The following ASAP2 variants were observed in gnomAD, a reference collection of about 807,000 sequenced individuals.
ASAP2 encodes ArfGAP with SH3 domain, ankyrin repeat and PH domain 2.
ASAP2 carries 45 observed loss-of-function variants against 131.4 expected under a neutral mutation model. The ratio of observed to expected loss-of-function variants is 0.34; its 90% confidence interval spans 0.27 to 0.44. ASAP2 has a LOEUF of 0.44. Among genes scored for constraint, ASAP2 ranks in the 20% least tolerant of loss-of-function variants. The pLI, the probability that ASAP2 is intolerant of heterozygous loss-of-function variation, is 1.00. For synonymous variants in ASAP2, 510 were observed against 503.0 expected (o/e 1.01, Z -0.19); for missense variants, 1,011 against 1,297.0 (o/e 0.78, Z 3.39).
At chr2:9,240,488 C>G (rs995616990) in intron 1 of ASAP2, among the ~76,000 whole-genome samples, 5 of 152,064 alleles carry the variant, frequency 3.3e-5, no homozygotes, top group Admixed American at 3.3e-4. Context: ...TGGAGCGATT[C>G]ACCTGCCTTG....
chr2:9,351,407 A>T (rs1672322413), intron 12 of ASAP2, among the ~76,000 whole-genome samples: 1 of 152,222 alleles, frequency 6.6e-6, no homozygotes, highest in Admixed American at 6.5e-5. Context: ...GCGTTCACAA[A>T]AGAATCCCCA....
chr2:9,341,713 C>T (rs1407851141), intron 9 of ASAP2, among the ~76,000 whole-genome samples: 1 of 152,140 alleles, frequency 6.6e-6, no homozygotes, highest in Non-Finnish European at 1.5e-5. Context: ...AGTATTTCTC[C>T]ACATTCCTTC....
intron 26 of ASAP2, 25 bp from the exon 27 acceptor site, chr2:9,401,249 A>T: frequency 6.2e-7 from 1 of 1,612,606 alleles, no homozygotes; most frequent in Non-Finnish European, 8.5e-7. Context: ...AGCCACACTA[A>T]CCGTTGTTCC....
intron 1 of ASAP2, among the ~76,000 whole-genome samples, chr2:9,259,826 G>A (rs998608008): frequency 2.6e-5 from 4 of 152,250 alleles, no homozygotes; most frequent in Non-Finnish European, 4.4e-5. Context: ...GATGGAGGCC[G>A]ATGCTAAATG....
chr2:9,226,633 A>G (rs1346452933), intron 1 of ASAP2, among the ~76,000 whole-genome samples: 1 of 152,178 alleles, frequency 6.6e-6, no homozygotes, highest in Non-Finnish European at 1.5e-5. Flanking sequence ...AGGTCCTTTC[A>G]GGCTGCCGTG....
intron 15 of ASAP2, among the ~76,000 whole-genome samples, chr2:9,362,035 C>T (rs1673127188): frequency 6.8e-6 from 1 of 147,818 alleles, no homozygotes; most frequent in African/African-American, 2.5e-5. Context: ...GTCTGACACA[C>T]CGTTAAGAAC....
intron 16 of ASAP2, 127 bp from the exon 17 acceptor site, chr2:9,374,628 G>A: frequency 4.4e-6 from 4 of 900,320 alleles, no homozygotes; most frequent in Non-Finnish European, 6.6e-6. Context: ...CCCGCTTTGT[G>A]TTTCGGGGCC....
In ASAP2 at chr2:9,264,199, AAT is replaced by A. The variant is rs1168900889; in HGVS notation, c.127-15116_127-15115del. Among the ~76,000 whole-genome samples the A allele has an allele frequency of 2.4e-3, 183 of 75,012 alleles. 4 individuals are homozygous for A. Among genetic ancestry groups the A allele is most frequent in the African/African-American group, 3.4e-3 (55 of 16,090 alleles). The allele number at this position is 75,012 out of a possible 152,430, so 49.2% of individuals were successfully genotyped here. Reference sequence around the variant, plus strand: ...GAGTGAGACCCTGTCTCAAAAAAATAATAATAATAATAATAATAATAATAAAC... The same window carrying A: ...GAGTGAGACCCTGTCTCAAAAAAATAAATAATAATAATAATAATAATAAAC... On this transcript the variant is annotated intron_variant, in intron 1 of 27. Coordinates refer to ENST00000281419, the MANE Select transcript of ASAP2 (RefSeq NM_003887.3).
rs559905368 is a variant in ASAP2 at position 9,234,004 on chromosome 2, G to A, written c.126+26774G>A. Among the ~76,000 whole-genome samples the A allele has an allele frequency of 1.1e-4, 16 of 151,866 alleles. No individual in the cohort carries two copies. In the South Asian group the frequency reaches 1.7e-3, roughly 16 times the overall value. ...CAGGCACCTGTAATCCCAGCTACTCGGGAGGCTGAGGCATGAGAATTGCTT... is the reference window on the plus strand; with the variant it reads ...CAGGCACCTGTAATCCCAGCTACTCAGGAGGCTGAGGCATGAGAATTGCTT... On this transcript the variant is annotated intron_variant, in intron 1 of 27. Coordinates refer to ENST00000281419, the MANE Select transcript of ASAP2 (RefSeq NM_003887.3).
At chr2:9,356,973 G>A (rs930402862) in intron 14 of ASAP2, among the ~76,000 whole-genome samples, 2 of 152,040 alleles carry the variant, frequency 1.3e-5, no homozygotes, top group African/African-American at 4.8e-5. Flanking sequence ...AGTGGGGGTC[G>A]GGGACTACAC....
intron 2 of ASAP2, among the ~76,000 whole-genome samples, chr2:9,292,107 C>T (rs1667853471): frequency 6.6e-6 from 1 of 152,092 alleles, no homozygotes; most frequent in Non-Finnish European, 1.5e-5. Context: ...CATGTTTAGA[C>T]TAGGTCATCT....
chr2:9,388,467 T>G lies in ASAP2; in HGVS notation c.2304T>G (p.Ser768Arg). Residue 768 changes from serine (S) to arginine (R), a missense_variant, in exon 22 of 28, where the codon AGT (serine) becomes AGG (arginine). By Grantham distance (110) the Ser-to-Arg change is moderately radical. Coordinates refer to ENST00000281419, the MANE Select transcript of ASAP2 (RefSeq NM_003887.3). ...LQNETYGALL[S>R]GSPPPAQPAA... ...ATGAGACTTACGGAGCCCTCCTGAG[T>G]GGCAGCCCACCTCCCGCCCAGCCTG... 1 of 1,614,084 alleles carries G rather than the reference T, an allele frequency of 6.2e-7. No individual in the cohort carries two copies. Among genetic ancestry groups the G allele is most frequent in the Non-Finnish European group, 8.5e-7 (1 of 1,179,996 alleles).
At position 9,344,602 on chromosome 2, in the gene ASAP2, A is replaced by G. The variant is rs1671830071; in HGVS notation, c.920A>G (p.Glu307Gly). Residue 307 changes from glutamate to glycine, a missense_variant, in exon 10 of 28, where the codon GAG (glutamate) becomes GGG (glycine). Glu to Gly is a moderately conservative substitution (Grantham distance 98). Transcript: ENST00000281419. ...CAGGGAAACAAGGAACATGGGACCG[A>G]GCGGAACGGCAGCCTCTACAAGAAG... ...QPQGNKEHGT[E>G]RNGSLYKKSD... The G allele has an allele frequency of 6.2e-7, 1 of 1,614,092 alleles. No homozygotes were observed.
At chr2:9,379,129 G>T in intron 19 of ASAP2, 70 bp downstream of exon 19, 1 of 1,169,482 alleles carries the variant, frequency 8.6e-7, no homozygotes, top group East Asian at 3.0e-5. Context: ...TGCCATCCAA[G>T]CGCTGCTCTT....
intron 11 of ASAP2, among the ~76,000 whole-genome samples, chr2:9,345,800 A>G (rs1671927585): frequency 6.6e-6 from 1 of 152,108 alleles, no homozygotes; most frequent in Non-Finnish European, 1.5e-5. Flanking sequence ...TAGAAATGTC[A>G]TCACTCAACA....
chr2:9,320,984 A>T (rs1670114859), intron 5 of ASAP2, among the ~76,000 whole-genome samples: 1 of 152,172 alleles, frequency 6.6e-6, no homozygotes, highest in Non-Finnish European at 1.5e-5. Context: ...CCTAGAGTAG[A>T]GAGAGTCGAG....
At chr2:9,391,250 G>GC in intron 23 of ASAP2, 54 bp downstream of exon 23, 1 of 1,566,516 alleles carries the variant, frequency 6.4e-7, no homozygotes, top group South Asian at 1.2e-5. Flanking sequence ...GATCTGGATG[G>GC]CGGGGGGTGC....
In ASAP2 at chr2:9,292,391, G is replaced by A. The variant is rs562284373; in HGVS notation, c.200-4909G>A. Among the ~76,000 whole-genome samples, 90 of 152,194 alleles carry A rather than the reference G, an allele frequency of 5.9e-4. 1 individual carries two copies. The highest frequency in any genetic ancestry group is 3.4e-3 in the Middle Eastern group (1 of 294). On this transcript the variant is annotated intron_variant, in intron 2 of 27. Transcript: ENST00000281419. Reference sequence around the variant, plus strand: ...AAATTAGCCAGAAGTGGTGGTGTGCGCCTGTAGTCTCAGCTACTCGGGAGG... The same window carrying A: ...AAATTAGCCAGAAGTGGTGGTGTGCACCTGTAGTCTCAGCTACTCGGGAGG...
Position 9,311,646 on chromosome 2 carries a change from A to C in ASAP2, c.346-6878A>C, listed in dbSNP as rs972261856. On this transcript the variant is annotated intron_variant, in intron 3 of 27. Transcript: ENST00000281419. The surrounding 1 kb of genome is among the most constrained non-coding windows in gnomAD (Gnocchi z 5.2). ...AGCTGCCTGAGCACAAGGGATATGT[A>C]ATCATCTTCTGGCTGTGGTTTCCGT... Among the ~76,000 whole-genome samples, 2 of 152,324 alleles carry C rather than the reference A, an allele frequency of 1.3e-5. No homozygotes were observed. Among genetic ancestry groups the C allele is most frequent in the East Asian group, 1.9e-4 (1 of 5,182 alleles).
Sources: gnomAD v4.1 joint callset for allele counts (sites outside exome capture counted in the v4.1 genomes callset) on GRCh38, gnomAD v4.1.1 for gene constraint, Gnocchi (gnomAD v3.1) non-coding constraint, MANE v1.5 for transcripts, NCBI Gene and HGNC (gene_info 2026-07-23, HGNC 2026-07-21) for gene names.